The following RABGAP1L variants were observed in gnomAD, a reference collection of about 807,000 sequenced individuals.
RABGAP1L encodes the protein RAB GTPase activating protein 1 like.
Under a neutral mutation model 137.7 loss-of-function variants are expected in RABGAP1L, and 63 were observed. The observed-to-expected ratio is 0.46, with a 90% confidence interval of 0.37 to 0.56. The LOEUF is 0.56. RABGAP1L is among the 20% of genes least tolerant of loss of function. The pLI is 0.00. For missense variants in RABGAP1L, 1,095 were observed against 1,244.0 expected, an observed-to-expected ratio of 0.88 and a Z score of 1.80; for synonymous variants, 431 against 433.7, an observed-to-expected ratio of 0.99 and a Z score of 0.08.
At chr1:174,956,184 T>A (rs1295219303) in intron 19 of RABGAP1L, among the ~76,000 whole-genome samples, 1 of 152,160 alleles carries the variant, frequency 6.6e-6, no homozygotes, top group Non-Finnish European at 1.5e-5. Context: ...ATGAAGAAAC[T>A]GAGGCTAAGA....
chr1:174,296,856 A>G (rs763435380), intron 10 of RABGAP1L, among the ~76,000 whole-genome samples: 1 of 152,236 alleles, frequency 6.6e-6, no homozygotes, highest in Admixed American at 6.5e-5. Context: ...AATAAATGTC[A>G]TGCATCTTTA....
intron 15 of RABGAP1L, among the ~76,000 whole-genome samples, chr1:174,685,813 G>T (rs1414834748): frequency 2.6e-5 from 4 of 152,036 alleles, no homozygotes. Flanking sequence ...CGTCTGCCTT[G>T]GCCTCCTAAA....
chr1:174,682,225 G>A (rs1212123359), intron 14 of RABGAP1L, among the ~76,000 whole-genome samples: 1 of 151,786 alleles, frequency 6.6e-6, no homozygotes, highest in Non-Finnish European at 1.5e-5. Context: ...AGGTTGCAGT[G>A]AGCTGAGATC....
rs573622746 is a variant in RABGAP1L at position 174,481,634 on chromosome 1, C to T, written c.1710+87489C>T. The stretch of plus-strand genomic sequence containing the variant: ...TGTACACATTTCTTAACTACTCTAG[C>T]AGATGTTAAAAAAATAAAAAAAGGA... On this transcript the variant is annotated intron_variant, in intron 13 of 25. Transcript: ENST00000681986. 2.0e-5 allele frequency among the ~76,000 whole-genome samples: 3 copies of T among 152,088 alleles called. No homozygotes were observed. In the South Asian group the frequency reaches 6.2e-4, roughly 32 times the overall value.
intron 17 of RABGAP1L, among the ~76,000 whole-genome samples, chr1:174,732,914 A>G (rs953620260): frequency 2.6e-5 from 4 of 152,220 alleles, no homozygotes; most frequent in African/African-American, 9.6e-5. Flanking sequence ...GGACTTTAAC[A>G]TGATAATTGT....
intron 13 of RABGAP1L, among the ~76,000 whole-genome samples, chr1:174,620,865 C>T (rs897098663): frequency 2.0e-5 from 3 of 151,814 alleles, no homozygotes; most frequent in Non-Finnish European, 4.4e-5. Context: ...TTGAAAGGAT[C>T]AACAAAATTG....
intron 19 of RABGAP1L, among the ~76,000 whole-genome samples, chr1:174,927,391 TTTC>T (rs1663023045): frequency 6.6e-6 from 1 of 152,168 alleles, no homozygotes; most frequent in African/African-American, 2.4e-5. Context: ...TATAGTAATA[TTTC>T]TTCTTCTTTT....
chr1:174,537,535 A>T (rs1572218958), intron 13 of RABGAP1L, among the ~76,000 whole-genome samples: 2 of 152,292 alleles, frequency 1.3e-5, no homozygotes, highest in East Asian at 3.9e-4. Flanking sequence ...CTCTACAGGT[A>T]ATCTCAGAAG....
chr1:174,893,765 A>T (rs985121020), intron 19 of RABGAP1L, among the ~76,000 whole-genome samples: 13 of 152,132 alleles, frequency 8.5e-5, no homozygotes, highest in African/African-American at 2.9e-4. Flanking sequence ...TTAACTTTTC[A>T]TACTCAAAAG....
chr1:174,310,313 G>T (rs755822068), intron 11 of RABGAP1L, among the ~76,000 whole-genome samples: 2 of 152,032 alleles, frequency 1.3e-5, no homozygotes, highest in Admixed American at 6.6e-5. Context: ...GGTTGAAAAA[G>T]ATACTTGATA....
chr1:174,173,206 C>T (rs1665555145), intron 1 of RABGAP1L, among the ~76,000 whole-genome samples: 5 of 151,858 alleles, frequency 3.3e-5, no homozygotes, highest in Admixed American at 3.3e-4. Context: ...TCTCGGTTCA[C>T]CGTAACCTCT....
chr1:174,252,423 G>A (rs1672789872), intron 6 of RABGAP1L, 57 bp from the exon 7 acceptor site: 7 of 1,582,152 alleles, frequency 4.4e-6, no homozygotes, highest in Non-Finnish European at 5.1e-6. Context: ...CTTGGAATAG[G>A]TTATTTTATC....
chr1:174,518,803 C>G (rs754633153), intron 13 of RABGAP1L, among the ~76,000 whole-genome samples: 1 of 152,080 alleles, frequency 6.6e-6, no homozygotes, highest in East Asian at 1.9e-4. Context: ...TCTTCACTTC[C>G]GGCGTACAAA....
At chr1:174,229,045 T>C (rs925089257) in intron 3 of RABGAP1L, among the ~76,000 whole-genome samples, 7 of 151,940 alleles carry the variant, frequency 4.6e-5, no homozygotes, top group Admixed American at 2.6e-4. Context: ...AAATTCATTA[T>C]GATGGGGATG....
intron 14 of RABGAP1L, among the ~76,000 whole-genome samples, chr1:174,676,444 A>G (rs900872596): frequency 6.6e-6 from 1 of 152,210 alleles, no homozygotes; most frequent in Non-Finnish European, 1.5e-5. Flanking sequence ...ATGTTCTTCC[A>G]TAGAGATTTT....
intron 13 of RABGAP1L, among the ~76,000 whole-genome samples, chr1:174,605,981 T>C (rs921190703): frequency 3.3e-5 from 5 of 152,190 alleles, no homozygotes; most frequent in African/African-American, 1.2e-4. Context: ...TGCTTCAATT[T>C]TGGTGGAATT....
chr1:174,894,681 T>C lies in RABGAP1L; in HGVS notation c.2341-62776T>C, dbSNP rs1451590692. On this transcript the variant is annotated intron_variant, in intron 19 of 25. Transcript: ENST00000681986. The stretch of plus-strand genomic sequence containing the variant: ...CGAAATGGAGCTTGGAGCACTACAT[T>C]TGGTGCAGGAGAGGACTGTCGAGAC... Among the ~76,000 whole-genome samples the C allele has an allele frequency of 2.6e-5, 4 of 152,166 alleles. No homozygotes were observed. The East Asian group carries it at 7.7e-4, about 29-fold the overall frequency.
At chr1:174,849,119 C>G (rs1450357622) in intron 19 of RABGAP1L, among the ~76,000 whole-genome samples, 1 of 152,162 alleles carries the variant, frequency 6.6e-6, no homozygotes, top group African/African-American at 2.4e-5. Context: ...TGGCCTGCGC[C>G]CACTGTCTGG....
At chr1:174,822,277 A>G (rs1053244344) in intron 19 of RABGAP1L, among the ~76,000 whole-genome samples, 1 of 152,232 alleles carries the variant, frequency 6.6e-6, no homozygotes, top group Non-Finnish European at 1.5e-5. Context: ...AACAAAAAAA[A>G]TTGATAATGA....
Sources: gnomAD v4.1 joint callset for allele counts (sites outside exome capture counted in the v4.1 genomes callset) on GRCh38, gnomAD v4.1.1 for gene constraint, MANE v1.5 for transcripts, NCBI Gene and HGNC (gene_info 2026-07-23, HGNC 2026-07-21) for gene names.